Variants in FEZ1 observed in about 807,000 individuals in gnomAD.
FEZ1 encodes the protein fasciculation and elongation protein zeta-1.
A neutral mutation model predicts 49.3 loss-of-function variants in FEZ1; 20 were observed. That is an observed-to-expected ratio of 0.41 (90% confidence interval 0.29 to 0.59). The LOEUF (loss-of-function observed/expected upper bound fraction) is 0.59. FEZ1 is among the 20% of genes least tolerant of loss of function. The pLI is 0.36. For synonymous variants in FEZ1, 170 were observed against 180.9 expected (o/e 0.94, Z 0.48); for missense variants, 413 against 476.0 (o/e 0.87, Z 1.23).
chr11:125,455,494 G>T (rs1957000754), intron 6 of FEZ1: 1 of 337,110 alleles, frequency 3.0e-6, no homozygotes, highest in Non-Finnish European at 5.5e-6. Flanking sequence ...TGGGACACAA[G>T]GAGGGATTTG....
At chr11:125,463,969 C>CCTG (rs1222826628) in intron 3 of FEZ1, among the ~76,000 whole-genome samples, 1 of 152,148 alleles carries the variant, frequency 6.6e-6, no homozygotes, top group Non-Finnish European at 1.5e-5. Context: ...GGAGTTCCAA[C>CCTG]CTGGGGGGTT....
At chr11:125,482,544 G>A (rs985722484) in intron 2 of FEZ1, among the ~76,000 whole-genome samples, 4 of 152,084 alleles carry the variant, frequency 2.6e-5, no homozygotes, top group African/African-American at 9.7e-5. Flanking sequence ...GGAGGTTGGG[G>A]AAAATTTCAA....
At position 125,464,235 on chromosome 11, in the gene FEZ1, CAAGT is replaced by C. The variant is rs569100069; in HGVS notation, c.412-669_412-666del. 4.1e-3 allele frequency among the ~76,000 whole-genome samples: 627 copies of C among 152,270 alleles called. 5 individuals carry two copies. Among genetic ancestry groups the C allele is most frequent in the Non-Finnish European group, 4.7e-3 (323 of 68,024 alleles). ...CTGTGTCTCTATAATTCCATAATCC[CAAGT>C]AAGATCCTCAAAGTTCACAGCCATC... On this transcript the variant is annotated intron_variant, in intron 3 of 9. Coordinates refer to ENST00000278919, the MANE Select transcript of FEZ1 (RefSeq NM_005103.5).
At position 125,443,924 on chromosome 11, in the gene FEZ1, G is replaced by A. The variant is rs1222421472; in HGVS notation, c.*2171C>T. On this transcript the variant is annotated 3_prime_UTR_variant, in exon 10 of 10. Coordinates refer to ENST00000278919, the MANE Select transcript of FEZ1 (RefSeq NM_005103.5). ...GCAGGATAAATTGGGGGAAAGGAGT[G>A]GCTGACCCAGATCTGACAAATCCAA... Among the ~76,000 whole-genome samples, 2 of 152,168 alleles carry A rather than the reference G, an allele frequency of 1.3e-5. No individual in the cohort carries two copies. The highest frequency in any genetic ancestry group is 2.4e-5 in the African/African-American group (1 of 41,440).
In FEZ1 at chr11:125,495,939, G is replaced by A. The variant is rs772402985; in HGVS notation, c.-46+182C>T. ...TCCCAGCTGCGCTCCCTGAAGGGCT[G>A]GGCAGGAAGGCGACGGCCTCCCGTT... On this transcript the variant is annotated intron_variant, in intron 1 of 9. Coordinates refer to ENST00000278919, the MANE Select transcript of FEZ1 (RefSeq NM_005103.5). This position sits in a 1 kb window ranked among gnomAD's most constrained non-coding sequence, Gnocchi z 4.2. 2 of 246,278 alleles carry A rather than the reference G, an allele frequency of 8.1e-6. No homozygotes were observed. The highest frequency in any genetic ancestry group is 1.6e-5 in the Non-Finnish European group (2 of 125,884). 15.3% of individuals were successfully genotyped at this position (246,278 alleles called of 1,614,324 possible).
At chr11:125,460,769 A>G (rs760144252) in intron 4 of FEZ1, 103 bp from the exon 5 acceptor site, 12 of 971,502 alleles carry the variant, frequency 1.2e-5, no homozygotes, top group Non-Finnish European at 1.5e-6. Context: ...GCTATCTGAA[A>G]ATTTCTAAAG....
chr11:125,467,944 G>A (rs564993920), intron 3 of FEZ1, among the ~76,000 whole-genome samples: 1 of 152,296 alleles, frequency 6.6e-6, no homozygotes, highest in African/African-American at 2.4e-5. Context: ...AAAGGAGACT[G>A]TGTTTTACAT....
At chr11:125,448,885 A>G (rs1002529001) in intron 8 of FEZ1, among the ~76,000 whole-genome samples, 3 of 152,024 alleles carry the variant, frequency 2.0e-5, no homozygotes, top group Non-Finnish European at 4.4e-5. Flanking sequence ...TAAAAAAAAA[A>G]AAGATAGCTG....
chr11:125,481,046 GA>G (rs201026269), intron 3 of FEZ1, among the ~76,000 whole-genome samples: 28,865 of 118,048 alleles, frequency 0.24, 2,881 homozygotes, highest in African/African-American at 0.3. Flanking sequence ...CTCAAAAAAA[GA>G]AAAAAAAAAA....
At chr11:125,479,224 A>G (rs905830597) in intron 3 of FEZ1, among the ~76,000 whole-genome samples, 1 of 152,218 alleles carries the variant, frequency 6.6e-6, no homozygotes, top group Non-Finnish European at 1.5e-5. Flanking sequence ...AAGGATATAT[A>G]TGGCTACATT....
chr11:125,475,593 G>C (rs1203084470), intron 3 of FEZ1, among the ~76,000 whole-genome samples: 2 of 152,016 alleles, frequency 1.3e-5, no homozygotes, highest in African/African-American at 4.8e-5. Flanking sequence ...GAGGATGAAG[G>C]GTGGGAGGAG....
In FEZ1 at chr11:125,460,511, G is replaced by A. The variant is rs1250650235; in HGVS notation, c.654C>T (p.Asn218=). Residue 218 remains asparagine (N), a synonymous_variant, in exon 5 of 10, where the codon AAC becomes AAT. Coordinates refer to ENST00000278919, the MANE Select transcript of FEZ1 (RefSeq NM_005103.5). ...MQALTQTFNN[N]WSYEGLRHMS... is the part of the protein sequence containing the mutation. ...CAGGGCCCTCACCTTCATAGGACCA[G>A]TTGTTGTTGAAGGTCTGTGTCAATG... 6 of 1,613,862 alleles carry A rather than the reference G, an allele frequency of 3.7e-6. No individual in the cohort carries two copies. Among genetic ancestry groups the A allele is most frequent in the Non-Finnish European group, 5.1e-6 (6 of 1,179,970 alleles).
intron 3 of FEZ1, among the ~76,000 whole-genome samples, chr11:125,473,915 GA>G (rs1181290379): frequency 6.7e-6 from 1 of 149,906 alleles, no homozygotes. Flanking sequence ...GAAAACTTAA[GA>G]AAAAAATCTT....
chr11:125,445,874 AG>A lies in FEZ1; in HGVS notation c.*220del. On this transcript the variant is annotated 3_prime_UTR_variant, in exon 10 of 10. Coordinates refer to ENST00000278919, the MANE Select transcript of FEZ1 (RefSeq NM_005103.5). This position sits in a 1 kb window ranked among gnomAD's most constrained non-coding sequence, Gnocchi z 4.4. The stretch of plus-strand genomic sequence containing the variant: ...GCCTTCCCCTCTCCTGACACCAGCA[AG>A]GGGGAGGCACCATCACCGGCCCTGC... 1 of 592,852 alleles carries A rather than the reference AG, an allele frequency of 1.7e-6. No individual in the cohort carries two copies. Among genetic ancestry groups the A allele is most frequent in the Non-Finnish European group, 3.1e-6 (1 of 317,744 alleles). 36.7% of individuals were successfully genotyped at this position (592,852 alleles called of 1,614,324 possible). A position where few individuals can be genotyped will look rare whatever the true frequency, so the allele number is the denominator to read the frequency against.
chr11:125,475,749 A>G (rs1957225377), intron 3 of FEZ1, among the ~76,000 whole-genome samples: 2 of 152,208 alleles, frequency 1.3e-5, no homozygotes. Flanking sequence ...AGCTAAAAAA[A>G]AAAAGTTGAA....
chr11:125,455,741 A>G, intron 6 of FEZ1, 94 bp downstream of exon 6: 6 of 1,306,452 alleles, frequency 4.6e-6, no homozygotes, highest in Non-Finnish European at 6.7e-6. Flanking sequence ...TGCTCGGTAA[A>G]CGTTGATGAG....
At chr11:125,473,067 C>T (rs569788557) in intron 3 of FEZ1, among the ~76,000 whole-genome samples, 1 of 152,046 alleles carries the variant, frequency 6.6e-6, no homozygotes, top group East Asian at 1.9e-4. Context: ...AAAAAGGACA[C>T]AGTTGGAGAA....
Position 125,495,247 on chromosome 11 carries a change from T to G in FEZ1, c.-46+874A>C, listed in dbSNP as rs935076631. 7.1e-5 allele frequency: 28 copies of G among 394,292 alleles called. No homozygotes were observed. The highest frequency in any genetic ancestry group is 5.2e-4 in the African/African-American group (25 of 47,844). The allele number at this position is 394,292 out of a possible 1,614,324, so 24.4% of individuals were successfully genotyped here. A position where few individuals can be genotyped will look rare whatever the true frequency, so the allele number is the denominator to read the frequency against. The stretch of plus-strand genomic sequence containing the variant: ...GGCTGGCACTCTGAGGAAGCCGGAC[T>G]CATCCCGTGCAGGCCGCATACACAC... On this transcript the variant is annotated intron_variant, in intron 1 of 9. Coordinates refer to ENST00000278919, the MANE Select transcript of FEZ1 (RefSeq NM_005103.5). This position sits in a 1 kb window ranked among gnomAD's most constrained non-coding sequence, Gnocchi z 4.2.
rs1956878533 is a variant in FEZ1, at chr11:125,444,303, G to A, written c.*1792C>T. Among the ~76,000 whole-genome samples, 1 of 152,166 alleles carries A rather than the reference G, an allele frequency of 6.6e-6. No individual in the cohort carries two copies. The highest frequency in any genetic ancestry group is 2.4e-5 in the African/African-American group (1 of 41,446). Reference sequence around the variant, plus strand: ...TTCTGCTTCTGGAAAAGCAGAAGCCGAGCTAGGCGCGGTGACTCACGCCTA... The same window carrying A: ...TTCTGCTTCTGGAAAAGCAGAAGCCAAGCTAGGCGCGGTGACTCACGCCTA... On this transcript the variant is annotated 3_prime_UTR_variant, in exon 10 of 10. Transcript: ENST00000278919.
Sources: gnomAD v4.1 joint callset for allele counts (sites outside exome capture counted in the v4.1 genomes callset) on GRCh38, gnomAD v4.1.1 for gene constraint, Gnocchi (gnomAD v3.1) non-coding constraint, MANE v1.5 for transcripts, NCBI Gene and HGNC (gene_info 2026-07-23, HGNC 2026-07-21) for gene names.